The following TINAG variants were observed in gnomAD, a reference collection of about 807,000 sequenced individuals.
The protein encoded by TINAG is tubulointerstitial nephritis antigen.
Under a neutral mutation model 72.7 loss-of-function variants are expected in TINAG, and 83 were observed. The ratio of observed to expected loss-of-function variants is 1.14; its 90% CI spans 0.96 to 1.37. The LOEUF (loss-of-function observed/expected upper bound fraction) is 1.37, where lower values mean the gene tolerates loss of function less well. TINAG is among the 40% of genes most tolerant of loss of function. The pLI is 0.00. For missense variants in TINAG, 685 were observed against 576.6 expected, an observed-to-expected ratio of 1.19 and a Z score of -1.93; for synonymous variants, 234 against 189.9, an observed-to-expected ratio of 1.23 and a Z score of -1.91.
intron 4 of TINAG, among the ~76,000 whole-genome samples, chr6:54,331,871 A>C (rs1461010525): frequency 6.6e-6 from 1 of 152,244 alleles, no homozygotes; most frequent in East Asian, 1.9e-4. Context: ...TGCTACAAAG[A>C]GAATAAGATA....
chr6:54,349,641 G>GT lies in TINAG; in HGVS notation c.900-74dup, dbSNP rs1355303145. The GT allele has an allele frequency of 3.1e-6, 4 of 1,280,148 alleles. No homozygotes were observed. The African/African-American group carries it at 6.0e-5, about 19-fold the overall frequency. 79.3% of individuals were successfully genotyped at this position (1,280,148 alleles called of 1,614,324 possible). ...GAATAATTTATGAATGTTTAATTCAGTAAGATTAAATATAAAAAGGATATT... is the reference window on the plus strand; with the variant it reads ...GAATAATTTATGAATGTTTAATTCAGTTAAGATTAAATATAAAAAGGATATT... On this transcript the variant is annotated intron_variant, in intron 6 of 10. Coordinates refer to ENST00000259782, the MANE Select transcript of TINAG (RefSeq NM_014464.4).
chr6:54,337,084 TG>T (rs1266209158), intron 4 of TINAG, among the ~76,000 whole-genome samples: 1 of 151,938 alleles, frequency 6.6e-6, no homozygotes, highest in Non-Finnish European at 1.5e-5. Flanking sequence ...TTTAATCATC[TG>T]GATACTTTAT....
intron 4 of TINAG, among the ~76,000 whole-genome samples, chr6:54,332,636 G>A (rs9395934): frequency 0.46 from 69,893 of 151,918 alleles, 17,097 homozygotes; most frequent in Middle Eastern, 0.57. Flanking sequence ...ATTAAACTAA[G>A]GAGCTTCTGC....
At chr6:54,379,062 T>C (rs1763867939) in intron 9 of TINAG, among the ~76,000 whole-genome samples, 1 of 152,132 alleles carries the variant, frequency 6.6e-6, no homozygotes, top group East Asian at 1.9e-4. Flanking sequence ...AATTTGCATC[T>C]CTTCTAGGAA....
chr6:54,367,948 G>A (rs539671008), intron 9 of TINAG, among the ~76,000 whole-genome samples: 2 of 151,706 alleles, frequency 1.3e-5, no homozygotes, highest in African/African-American at 4.8e-5. Context: ...GTCCTTTATA[G>A]GGGCTAATCC....
At chr6:54,319,131 T>C (rs1175231350) in intron 1 of TINAG, among the ~76,000 whole-genome samples, 1 of 152,144 alleles carries the variant, frequency 6.6e-6, no homozygotes, top group African/African-American at 2.4e-5. Flanking sequence ...GGAATTCATA[T>C]GTTGAACACT....
intron 9 of TINAG, among the ~76,000 whole-genome samples, chr6:54,375,927 T>A (rs900437644): frequency 6.6e-6 from 1 of 152,158 alleles, no homozygotes; most frequent in Non-Finnish European, 1.5e-5. Flanking sequence ...ACCAACTTTG[T>A]AAATGCCACG....
At chr6:54,340,588 T>C (rs1244702476) in intron 4 of TINAG, among the ~76,000 whole-genome samples, 3 of 152,218 alleles carry the variant, frequency 2.0e-5, no homozygotes, top group East Asian at 3.9e-4. Flanking sequence ...TCAGATTAGC[T>C]GATATCATGA....
intron 1 of TINAG, among the ~76,000 whole-genome samples, chr6:54,314,409 T>C (rs546833795): frequency 3.9e-5 from 6 of 152,140 alleles, no homozygotes; most frequent in East Asian, 1.9e-4. Flanking sequence ...TGAGAAGACA[T>C]TCTAAAGCAC....
At chr6:54,376,711 A>G (rs1763793498) in intron 9 of TINAG, among the ~76,000 whole-genome samples, 1 of 152,178 alleles carries the variant, frequency 6.6e-6, no homozygotes, top group South Asian at 2.1e-4. Flanking sequence ...TAACCTTAGA[A>G]GTACAGGATC....
intron 4 of TINAG, among the ~76,000 whole-genome samples, chr6:54,331,224 C>G (rs1364185913): frequency 6.6e-6 from 1 of 152,124 alleles, no homozygotes; most frequent in Non-Finnish European, 1.5e-5. Flanking sequence ...TACTGGCAAA[C>G]TGAATCCAGC....
chr6:54,370,820 G>C (rs1763580941), intron 9 of TINAG, among the ~76,000 whole-genome samples: 1 of 151,974 alleles, frequency 6.6e-6, no homozygotes, highest in African/African-American at 2.4e-5. Flanking sequence ...TGCCTTGTCT[G>C]TCAGTACTGA....
At chr6:54,362,176 T>C (rs957656264) in intron 9 of TINAG, among the ~76,000 whole-genome samples, 1 of 151,742 alleles carries the variant, frequency 6.6e-6, no homozygotes, top group Non-Finnish European at 1.5e-5. Context: ...GGTGAAACAG[T>C]CTTCTATTGG....
chr6:54,374,183 TA>T (rs1290988737), intron 9 of TINAG, among the ~76,000 whole-genome samples: 1 of 152,130 alleles, frequency 6.6e-6, no homozygotes, highest in Non-Finnish European at 1.5e-5. Context: ...AGGAATATGG[TA>T]GGCATTGTAT....
At chr6:54,365,004 C>A (rs994110972) in intron 9 of TINAG, among the ~76,000 whole-genome samples, 5 of 151,342 alleles carry the variant, frequency 3.3e-5, no homozygotes, top group Non-Finnish European at 7.4e-5. Context: ...TTTATCTTTT[C>A]TTTTTCCTCT....
At chr6:54,363,671 G>C (rs910264806) in intron 9 of TINAG, among the ~76,000 whole-genome samples, 1 of 149,376 alleles carries the variant, frequency 6.7e-6, no homozygotes, top group Non-Finnish European at 1.5e-5. Context: ...AGAGAGAAAA[G>C]TTGAGCATGG....
chr6:54,327,460 A>G (rs1219469994), intron 4 of TINAG, among the ~76,000 whole-genome samples: 1 of 152,048 alleles, frequency 6.6e-6, no homozygotes, highest in African/African-American at 2.4e-5. Flanking sequence ...CAATCCGCAA[A>G]CCAGGAGATT....
intron 9 of TINAG, among the ~76,000 whole-genome samples, chr6:54,357,882 A>C (rs1310307699): frequency 6.6e-6 from 1 of 151,920 alleles, no homozygotes; most frequent in Non-Finnish European, 1.5e-5. Context: ...TCAGAATCCT[A>C]CAATATATTC....
chr6:54,372,331 G>T (rs1427528995), intron 9 of TINAG, among the ~76,000 whole-genome samples: 5 of 151,886 alleles, frequency 3.3e-5, no homozygotes, highest in Admixed American at 1.3e-4. Context: ...CAGATTTTGG[G>T]ATGCCTGTGA....
Sources: allele counts gnomAD v4.1 joint callset (sites outside exome capture counted in the v4.1 genomes callset), GRCh38; gene constraint gnomAD v4.1.1; transcripts MANE v1.5; gene names NCBI Gene and HGNC (gene_info 2026-07-23, HGNC 2026-07-21).